Variants in PHACTR1 observed in about 807,000 individuals in gnomAD.
PHACTR1 encodes the protein RPEL repeat containing 1.
In PHACTR1, 16 loss-of-function variants were observed where a neutral mutation model predicts 69.2. The observed-to-expected ratio is 0.23, with a 90% CI of 0.16 to 0.35. The LOEUF (loss-of-function observed/expected upper bound fraction) is 0.35, where lower values mean the gene tolerates loss of function less well. PHACTR1 is among the 10% of genes least tolerant of loss of function. The pLI is 1.00. For missense variants in PHACTR1, 510 were observed against 734.7 expected (o/e 0.69, Z 3.54); for synonymous variants, 312 against 284.5 (o/e 1.10, Z -0.97).
chr6:12,751,173 G>C (rs1483863214), intron 4 of PHACTR1, among the ~76,000 whole-genome samples: 1 of 152,208 alleles, frequency 6.6e-6, no homozygotes, highest in Non-Finnish European at 1.5e-5. Context: ...TGCCAGAGTG[G>C]CCAACTGCCT....
intron 4 of PHACTR1, among the ~76,000 whole-genome samples, chr6:12,873,696 C>T (rs1782281932): frequency 6.6e-6 from 1 of 152,002 alleles, no homozygotes; most frequent in Non-Finnish European, 1.5e-5. Context: ...GGCCTGGAGT[C>T]AAGGGAAGAG....
intron 4 of PHACTR1, among the ~76,000 whole-genome samples, chr6:13,022,975 C>A (rs1441032899): frequency 6.6e-6 from 1 of 152,034 alleles, no homozygotes; most frequent in Non-Finnish European, 1.5e-5. Context: ...TGAGATCACA[C>A]CACTGCACTC....
intron 4 of PHACTR1, among the ~76,000 whole-genome samples, chr6:12,876,292 C>T (rs1435960743): frequency 6.6e-6 from 1 of 152,110 alleles, no homozygotes; most frequent in Non-Finnish European, 1.5e-5. Context: ...TAAATGTAAG[C>T]ATATATATTA....
intron 11 of PHACTR1, chr6:13,273,233 AC>A: frequency 3.3e-6 from 1 of 307,646 alleles, no homozygotes; most frequent in Non-Finnish European, 6.0e-6. Flanking sequence ...GAGCAGGGTC[AC>A]CTTTAAACCA....
rs149937131 is a variant in PHACTR1 at position 13,043,589 on chromosome 6, A to G, written c.251-9776A>G. 2.2e-3 allele frequency among the ~76,000 whole-genome samples: 334 copies of G among 152,354 alleles called. 1 individual carries two copies. The highest frequency in any genetic ancestry group is 7.1e-3 in the African/African-American group (295 of 41,592). ...CATGCCCATTTGGGCATATTAGTCT[A>G]CTGCTGCTTTTACAGTGCATCAGCA... is the stretch of plus-strand genomic sequence containing the variant. On this transcript the variant is annotated intron_variant, in intron 4 of 14. Coordinates refer to ENST00000332995, the MANE Select transcript of PHACTR1 (RefSeq NM_030948.6).
intron 4 of PHACTR1, among the ~76,000 whole-genome samples, chr6:12,845,652 T>C (rs997312875): frequency 6.6e-6 from 1 of 152,154 alleles, no homozygotes. Context: ...CTGAGGTTAA[T>C]GCATCTCTTT....
chr6:12,720,873 A>G (rs536219984), intron 3 of PHACTR1, among the ~76,000 whole-genome samples: 2 of 152,346 alleles, frequency 1.3e-5, no homozygotes, highest in South Asian at 2.1e-4. Context: ...ACCTCACAAC[A>G]GGAACATTGT....
chr6:13,160,047 A>C (rs1442099460), intron 5 of PHACTR1, among the ~76,000 whole-genome samples, 157 bp from the exon 6 acceptor site: 1 of 152,270 alleles, frequency 6.6e-6, no homozygotes, highest in East Asian at 1.9e-4. Context: ...GTATCAAAAC[A>C]TATTAACTGG....
Position 12,944,783 on chromosome 6 carries a change from A to ATTTTT in PHACTR1, c.251-108579_251-108578insTTTTT, listed in dbSNP as rs201376090. ...TTTATTTATTTATTTATTTATTTTT[A>ATTTTT]TTTATTTTTTTTTTTTTGAGACGGA... On this transcript the variant is annotated intron_variant, in intron 4 of 14. Transcript: ENST00000332995. Among the ~76,000 whole-genome samples the ATTTTT allele has an allele frequency of 1.5e-3, 175 of 119,306 alleles. 1 individual carries two copies. The highest frequency in any genetic ancestry group is 7.8e-3 in the Middle Eastern group (2 of 256). The allele number at this position is 119,306 out of a possible 152,430, so 78.3% of individuals were successfully genotyped here.
intron 5 of PHACTR1, among the ~76,000 whole-genome samples, chr6:13,058,184 C>T (rs1807092999): frequency 6.6e-6 from 1 of 152,204 alleles, no homozygotes; most frequent in Admixed American, 6.5e-5. Flanking sequence ...TGAAATAGAA[C>T]AGGCAGTGCC....
chr6:13,136,303 T>G (rs1821539518), intron 5 of PHACTR1, among the ~76,000 whole-genome samples: 1 of 152,262 alleles, frequency 6.6e-6, no homozygotes, highest in African/African-American at 2.4e-5. Flanking sequence ...CTTTCACTTT[T>G]ATGTTATGGA....
chr6:13,218,895 AGAGAAGAGAAGAG>A lies in PHACTR1; in HGVS notation c.987-8920_987-8908del, dbSNP rs1485167004. 8.6e-4 allele frequency among the ~76,000 whole-genome samples: 94 copies of A among 108,954 alleles called. 2 individuals carry two copies. The highest frequency in any genetic ancestry group is 1.5e-3 in the Admixed American group (17 of 11,360). 71.5% of individuals were successfully genotyped at this position (108,954 alleles called of 152,430 possible). On this transcript the variant is annotated intron_variant, in intron 8 of 14. Transcript: ENST00000332995. ...AGAGAAGAGAAGAGAAGAGAAGAGAAGAGAAGAGAAGAGAAGAGAAAAGGTAGAAAAAGGGAAA... is the reference window on the plus strand; with the variant it reads ...AGAGAAGAGAAGAGAAGAGAAGAGAAAAGAGAAAAGGTAGAAAAAGGGAAA...
chr6:13,245,305 C>T lies in PHACTR1; in HGVS notation c.1391+15112C>T, dbSNP rs1439590624. On this transcript the variant is annotated intron_variant, in intron 10 of 14. Coordinates refer to ENST00000332995, the MANE Select transcript of PHACTR1 (RefSeq NM_030948.6). The surrounding 1 kb of genome is among the most constrained non-coding windows in gnomAD (Gnocchi z 4.1). ...TACAATCCCACCAGTAGCATGTAAG[C>T]ATTCTCTTTTCCCCACAACCTTGCC... is the stretch of plus-strand genomic sequence containing the variant. 1.3e-5 allele frequency among the ~76,000 whole-genome samples: 2 copies of T among 152,182 alleles called. No homozygotes were observed. The highest frequency in any genetic ancestry group is 1.5e-5 in the Non-Finnish European group (1 of 68,020).
intron 7 of PHACTR1, among the ~76,000 whole-genome samples, chr6:13,199,121 C>T (rs1764834958): frequency 6.6e-6 from 1 of 152,132 alleles, no homozygotes; most frequent in African/African-American, 2.4e-5. Context: ...GGAGCAGTGG[C>T]TCACACCTGT....
At chr6:13,273,719 A>G (rs1325147379) in intron 11 of PHACTR1, 1 of 152,208 alleles carries the variant, frequency 6.6e-6, no homozygotes, top group Non-Finnish European at 1.5e-5. Flanking sequence ...CTATTCATTC[A>G]TTGCTACCAT....
At chr6:13,043,722 T>C (rs1023911471) in intron 4 of PHACTR1, among the ~76,000 whole-genome samples, 2 of 152,212 alleles carry the variant, frequency 1.3e-5, no homozygotes, top group African/African-American at 4.8e-5. Context: ...CCAGGCTTTG[T>C]TGAGGTGGGA....
intron 4 of PHACTR1, among the ~76,000 whole-genome samples, chr6:13,024,211 C>G (rs1043023823): frequency 2.6e-5 from 4 of 152,148 alleles, no homozygotes; most frequent in Non-Finnish European, 4.4e-5. Flanking sequence ...ACCAGTATGT[C>G]CTCGCACAAC....
At chr6:12,781,769 C>T (rs1051113385) in intron 4 of PHACTR1, among the ~76,000 whole-genome samples, 3 of 152,218 alleles carry the variant, frequency 2.0e-5, no homozygotes, top group Non-Finnish European at 4.4e-5. Context: ...TCTTGACCTC[C>T]TCCTGGAGGG....
At chr6:13,055,567 A>C (rs1230063076) in intron 5 of PHACTR1, among the ~76,000 whole-genome samples, 1 of 152,238 alleles carries the variant, frequency 6.6e-6, no homozygotes, top group African/African-American at 2.4e-5. Flanking sequence ...TCTCTTCCTG[A>C]CTTTGCTAAG....
Sources: allele counts gnomAD v4.1 joint callset (sites outside exome capture counted in the v4.1 genomes callset), GRCh38; gene constraint gnomAD v4.1.1; non-coding constraint Gnocchi (gnomAD v3.1); transcripts MANE v1.5; gene names NCBI Gene and HGNC (gene_info 2026-07-23, HGNC 2026-07-21).